The following FYB2 variants were observed in gnomAD, a reference collection of about 807,000 sequenced individuals.
FYB2 encodes FYN binding protein 2.
In FYB2, 103 loss-of-function variants were observed where a neutral mutation model predicts 94.1. The ratio of observed to expected loss-of-function variants is 1.09; its 90% CI spans 0.93 to 1.29. The LOEUF (loss-of-function observed/expected upper bound fraction) is 1.29, where lower values mean the gene tolerates loss of function less well. Ranked by LOEUF, FYB2 falls within the 50% of genes most tolerant of loss-of-function variation. FYB2 has a pLI of 0.00. For missense variants in FYB2, 896 were observed against 841.5 expected (o/e 1.06, Z -0.80); for synonymous variants, 293 against 287.9 (o/e 1.02, Z -0.18).
intron 5 of FYB2, among the ~76,000 whole-genome samples, chr1:56,761,729 A>T (rs17114288): frequency 0.023 from 3,466 of 152,238 alleles, 141 homozygotes; most frequent in African/African-American, 0.08. Context: ...TGTTCAAGGG[A>T]CAGTCACCCA....
At chr1:56,729,702 A>T (rs927149333) in intron 15 of FYB2, among the ~76,000 whole-genome samples, 1 of 152,140 alleles carries the variant, frequency 6.6e-6, no homozygotes, top group Non-Finnish European at 1.5e-5. Context: ...CATCTACAGA[A>T]CATGTTACTC....
At chr1:56,740,833 AAGAGAGTACT>A (rs774591629) in intron 12 of FYB2, 38 bp from the exon 13 acceptor site, 1 of 1,372,884 alleles carries the variant, frequency 7.3e-7, no homozygotes, top group Non-Finnish European at 1.0e-6. Context: ...CATGGCATTT[AAGAGAGTACT>A]AGAGATAGAA....
In FYB2 at chr1:56,792,485, T is replaced by C; in HGVS notation, c.328A>G (p.Lys110Glu). Reference sequence around the variant, plus strand: ...GTCACCTCTAACAGCAGAGAAGCCTTCTGTGAACTTGTTGCAGAACATACA... The same window carrying C: ...GTCACCTCTAACAGCAGAGAAGCCTCCTGTGAACTTGTTGCAGAACATACA... ...STVCSATSSQ[K>E]ASLLLEVTQS... Residue 110 changes from lysine to glutamate, a missense_variant, in exon 2 of 20, where the codon AAG becomes GAG. Coordinates refer to ENST00000343433, the MANE Select transcript of FYB2 (RefSeq NM_001004303.5). 6.2e-7 allele frequency: 1 copy of C among 1,614,146 alleles called. No homozygotes were observed. Among genetic ancestry groups the C allele is most frequent in the South Asian group, 1.1e-5 (1 of 91,080 alleles).
rs757538369 is a variant in FYB2, at chr1:56,744,018, A to G, written c.1543+8T>C. The G allele has an allele frequency of 6.2e-7, 1 of 1,611,684 alleles. No homozygotes were observed. Among genetic ancestry groups the G allele is most frequent in the Non-Finnish European group, 8.5e-7 (1 of 1,178,896 alleles). The stretch of plus-strand genomic sequence containing the variant: ...CTGGCAACTTCAGAAATGTCTTCCT[A>G]TACTTACCACTACTTGAGGCAAGTG... On this transcript the variant is annotated splice_region_variant and intron_variant, in intron 11 of 19. Transcript: ENST00000343433.
intron 4 of FYB2, among the ~76,000 whole-genome samples, chr1:56,783,937 C>T (rs1045118512): frequency 6.6e-6 from 1 of 152,064 alleles, no homozygotes; most frequent in African/African-American, 2.4e-5. Flanking sequence ...AACAGCTAAG[C>T]AAGGTTTATT....
At chr1:56,769,973 C>T (rs985238368) in intron 4 of FYB2, among the ~76,000 whole-genome samples, 15 of 151,952 alleles carry the variant, frequency 9.9e-5, no homozygotes, top group African/African-American at 2.9e-4. Flanking sequence ...TCAAATAGTA[C>T]CAAAGAAAAC....
chr1:56,805,879 A>C (rs570159727), intron 1 of FYB2, among the ~76,000 whole-genome samples: 23 of 152,306 alleles, frequency 1.5e-4, no homozygotes, highest in African/African-American at 5.5e-4. Flanking sequence ...CTCCCCAGCC[A>C]TATGGAACTG....
At chr1:56,741,390 A>G (rs955295422) in intron 12 of FYB2, among the ~76,000 whole-genome samples, 5 of 152,116 alleles carry the variant, frequency 3.3e-5, no homozygotes, top group African/African-American at 1.2e-4. Context: ...AATACGTTAT[A>G]GAAAATCCTG....
chr1:56,804,216 C>T (rs1158323238), intron 1 of FYB2, among the ~76,000 whole-genome samples: 2 of 152,168 alleles, frequency 1.3e-5, no homozygotes, highest in Non-Finnish European at 2.9e-5. Flanking sequence ...CCATGAACTC[C>T]TTGAGGTCAG....
intron 15 of FYB2, among the ~76,000 whole-genome samples, chr1:56,736,279 A>G (rs1001418060): frequency 6.6e-5 from 10 of 152,156 alleles, no homozygotes; most frequent in Non-Finnish European, 1.3e-4. Context: ...AATAAGTTCA[A>G]TTGTATAATA....
At chr1:56,801,932 A>G (rs1646531263) in intron 1 of FYB2, among the ~76,000 whole-genome samples, 1 of 152,244 alleles carries the variant, frequency 6.6e-6, no homozygotes, top group African/African-American at 2.4e-5. Context: ...CAGAGGCAGA[A>G]TTAAACCCAG....
intron 19 of FYB2, among the ~76,000 whole-genome samples, 156 bp downstream of exon 19, chr1:56,719,866 C>T (rs1644452498): frequency 6.7e-6 from 1 of 148,294 alleles, no homozygotes. Flanking sequence ...GTAATAAAGT[C>T]TCTTCCAACA....
chr1:56,787,098 A>T, intron 4 of FYB2, 77 bp downstream of exon 4: 1 of 1,490,226 alleles, frequency 6.7e-7, no homozygotes, highest in Non-Finnish European at 9.4e-7. Context: ...GGTTTGTGCT[A>T]ATTGCCTGCT....
rs1191571813 is a variant in FYB2 at position 56,755,930 on chromosome 1, G to T, written c.1099-3C>A. ...GGATAGGGAAAATTCTTCCCAGGCTGAAAGTAAAGTGGAAAATGGTTATTT... is the reference window on the plus strand; with the variant it reads ...GGATAGGGAAAATTCTTCCCAGGCTTAAAGTAAAGTGGAAAATGGTTATTT... On this transcript the variant is annotated splice_region_variant and splice_polypyrimidine_tract_variant and intron_variant, in intron 6 of 19. Transcript: ENST00000343433. The T allele has an allele frequency of 6.2e-7, 1 of 1,608,830 alleles. No homozygotes were observed. Among genetic ancestry groups the T allele is most frequent in the South Asian group, 1.1e-5 (1 of 90,798 alleles).
rs765904420 is a variant in FYB2, at chr1:56,720,001, G to A, written c.2165+21C>T. 1.6e-5 allele frequency: 25 copies of A among 1,575,020 alleles called. No homozygotes were observed. The South Asian group carries it at 2.5e-4, about 16-fold the overall frequency. ...ATGTATTAGGAACTCATGATTTAAA[G>A]TATAAAATCAAACAGCTTACTTGAA... On this transcript the variant is annotated intron_variant, in intron 19 of 19. Coordinates refer to ENST00000343433, the MANE Select transcript of FYB2 (RefSeq NM_001004303.5).
At chr1:56,745,984 C>T (rs1260194776) in intron 9 of FYB2, among the ~76,000 whole-genome samples, 1 of 151,948 alleles carries the variant, frequency 6.6e-6, no homozygotes, top group Non-Finnish European at 1.5e-5. Flanking sequence ...GGCTCTCTTC[C>T]TCAACTACTT....
intron 6 of FYB2, among the ~76,000 whole-genome samples, chr1:56,758,380 A>G (rs1306760674): frequency 6.6e-6 from 1 of 152,030 alleles, no homozygotes; most frequent in Non-Finnish European, 1.5e-5. Flanking sequence ...GCATGCCCTA[A>G]GGGGTCTGAA....
At chr1:56,732,443 A>G (rs1362145697) in intron 15 of FYB2, among the ~76,000 whole-genome samples, 1 of 152,152 alleles carries the variant, frequency 6.6e-6, no homozygotes, top group East Asian at 1.9e-4. Flanking sequence ...CCCCATCAAA[A>G]TACCAATGCC....
Position 56,726,517 on chromosome 1 carries a change from G to A in FYB2, c.1860C>T (p.Asn620=), listed in dbSNP as rs145207313. The change falls in exon 16 of 20, where the codon AAC becomes AAT. Residue 620 remains asparagine, a synonymous_variant. Coordinates refer to ENST00000343433, the MANE Select transcript of FYB2 (RefSeq NM_001004303.5). ...CCCACCTTTCTGATTCTTCAGCACC[G>A]TTTTTCTCTTTTTTTTCCTTTGGTG... is the stretch of plus-strand genomic sequence containing the variant. ...FLTPKEKKEK[N]GAEESESFSP... 9.9e-6 allele frequency: 16 copies of A among 1,611,298 alleles called. No individual in the cohort carries two copies. Among genetic ancestry groups the A allele is most frequent in the Middle Eastern group, 1.7e-4 (1 of 6,054 alleles).
Sources: gnomAD v4.1 joint callset for allele counts (sites outside exome capture counted in the v4.1 genomes callset) on GRCh38, gnomAD v4.1.1 for gene constraint, MANE v1.5 for transcripts, NCBI Gene and HGNC (gene_info 2026-07-23, HGNC 2026-07-21) for gene names.